The following DAO variants were observed in gnomAD, a reference collection of about 807,000 sequenced individuals.
The protein encoded by DAO is D-amino-acid oxidase.
Under a neutral mutation model 50.1 loss-of-function variants are expected in DAO, and 51 were observed. The ratio of observed to expected loss-of-function variants is 1.02; its 90% CI spans 0.81 to 1.29. The LOEUF (loss-of-function observed/expected upper bound fraction) is 1.29, where lower values mean the gene tolerates loss of function less well. DAO is among the 50% of genes most tolerant of loss of function. The probability of loss-of-function intolerance (pLI) is 0.00; values close to 1 mark genes in which losing one functional copy is unlikely to be tolerated. For synonymous variants in DAO, 160 were observed against 166.2 expected (o/e 0.96, Z 0.29); for missense variants, 436 against 439.4 (o/e 0.99, Z 0.07).
rs374995687 is a variant in DAO at position 108,889,136 on chromosome 12, C to T, written c.310-333C>T. 1.5e-4 allele frequency among the ~76,000 whole-genome samples: 23 copies of T among 150,896 alleles called. No homozygotes were observed. In the East Asian group the frequency reaches 3.1e-3, roughly 20 times the overall value. Reference sequence around the variant, plus strand: ...TTTTTTTTTTTTTGAGATGAAGTCTCGCTCTGTGGCCCAGGCTGGAGTGCA... The same window carrying T: ...TTTTTTTTTTTTTGAGATGAAGTCTTGCTCTGTGGCCCAGGCTGGAGTGCA... On this transcript the variant is annotated intron_variant, in intron 3 of 10. Coordinates refer to ENST00000228476, the MANE Select transcript of DAO (RefSeq NM_001917.5).
At position 108,900,495 on chromosome 12, in the gene DAO, A is replaced by C; in HGVS notation, c.1004A>C (p.Glu335Ala). The C allele has an allele frequency of 6.2e-7, 1 of 1,614,138 alleles. No homozygotes were observed. Among genetic ancestry groups the C allele is most frequent in the Non-Finnish European group, 8.5e-7 (1 of 1,179,996 alleles). The change falls in exon 11 of 11, where the codon GAA (glutamate) becomes GCA (alanine). Residue 335 changes from glutamate to alanine, a missense_variant. By Grantham distance (107) the Glu-to-Ala change is moderately radical. Transcript: ENST00000228476. Reference sequence around the variant, plus strand: ...GCCAAGCTCTTTGGGAGAATCCTGGAAGAAAAGAAATTGTCCAGAATGCCA... The same window carrying C: ...GCCAAGCTCTTTGGGAGAATCCTGGCAGAAAAGAAATTGTCCAGAATGCCA... ...EAAKLFGRIL[E>A]EKKLSRMPPS...
intron 3 of DAO, 61 bp from the exon 4 acceptor site, chr12:108,889,408 C>T: frequency 8.4e-7 from 1 of 1,185,176 alleles, no homozygotes. Context: ...CCTCGCCTGG[C>T]CCATTATCAT....
intron 2 of DAO, among the ~76,000 whole-genome samples, chr12:108,886,879 G>T (rs1038282468): frequency 6.6e-6 from 1 of 152,188 alleles, no homozygotes; most frequent in African/African-American, 2.4e-5. Context: ...GTGCTTTTGA[G>T]GTCACCTCAA....
rs763919956 is a variant in DAO, at chr12:108,897,012, G to A, written c.619G>A (p.Ala207Thr). ...TCCTGCCCTGAATCAACAGGTGGAC[G>A]CCCCTTGGATGAAGCACTTCATTCT... ...PGRGQIMKVDAPWMKHFILTH... is the reference protein window; with the variant it reads ...PGRGQIMKVDTPWMKHFILTH... Residue 207 changes from alanine (A) to threonine (T), a missense_variant, in exon 8 of 11, where the codon GCC becomes ACC. Coordinates refer to ENST00000228476, the MANE Select transcript of DAO (RefSeq NM_001917.5). The A allele has an allele frequency of 2.2e-5, 35 of 1,613,342 alleles. No individual in the cohort carries two copies. The highest frequency in any genetic ancestry group is 8.8e-5 in the South Asian group (8 of 91,064).
At chr12:108,882,952 G>A (rs2039396412) in intron 1 of DAO, among the ~76,000 whole-genome samples, 1 of 152,056 alleles carries the variant, frequency 6.6e-6, no homozygotes, top group East Asian at 1.9e-4. Flanking sequence ...ATTGGAGGTG[G>A]CAGTGAGCTA....
In DAO at chr12:108,899,467, A is replaced by G. The variant is rs1388863998; in HGVS notation, c.904A>G (p.Asn302Asp). Residue 302 changes from asparagine to aspartate, a missense_variant, in exon 10 of 11, where the codon AAC (asparagine) becomes GAC (aspartate). Coordinates refer to ENST00000228476, the MANE Select transcript of DAO (RefSeq NM_001917.5). The part of the protein sequence containing the change: ...EREQLRTGPS[N>D]TEVIHNYGHG... ...AGAACAGCTTCGCACTGGACCTTCA[A>G]ACACAGAGGTATGCTCCCATGGCAA... is the stretch of plus-strand genomic sequence containing the variant. The G allele has an allele frequency of 1.2e-6, 2 of 1,613,370 alleles. No homozygotes were observed. Among genetic ancestry groups the G allele is most frequent in the South Asian group, 2.2e-5 (2 of 90,916 alleles).
At chr12:108,895,517 G>A (rs547418551) in intron 7 of DAO, among the ~76,000 whole-genome samples, 36 of 128,490 alleles carry the variant, frequency 2.8e-4, no homozygotes, top group Middle Eastern at 5.1e-3. Context: ...GATGGTGTGC[G>A]TGCATGCACA....
chr12:108,898,860 T>C, intron 9 of DAO, 64 bp downstream of exon 9: 1 of 1,058,118 alleles, frequency 9.5e-7, no homozygotes. Context: ...ATGAGGACAC[T>C]TCAGGACGGG....
At position 108,897,027 on chromosome 12, in the gene DAO, C is replaced by T; in HGVS notation, c.634C>T (p.His212Tyr). The T allele has an allele frequency of 6.2e-7, 1 of 1,613,940 alleles. No homozygotes were observed. Among genetic ancestry groups the T allele is most frequent in the African/African-American group, 1.3e-5 (1 of 75,026 alleles). ...IMKVDAPWMKHFILTHDPERG... is the reference protein window; with the variant it reads ...IMKVDAPWMKYFILTHDPERG... Reference sequence around the variant, plus strand: ...ACAGGTGGACGCCCCTTGGATGAAGCACTTCATTCTCACCCATGACCCAGA... The same window carrying T: ...ACAGGTGGACGCCCCTTGGATGAAGTACTTCATTCTCACCCATGACCCAGA... The change falls in exon 8 of 11, where the codon CAC (histidine) becomes TAC (tyrosine). Residue 212 changes from histidine to tyrosine, a missense_variant. Transcript: ENST00000228476.
At chr12:108,884,897 G>T in intron 1 of DAO, 101 bp from the exon 2 acceptor site, 1 of 1,079,118 alleles carries the variant, frequency 9.3e-7, no homozygotes. Flanking sequence ...GGGCTTGGTG[G>T]TGTCTGGCAC....
At chr12:108,897,933 C>T (rs1048053431) in intron 8 of DAO, among the ~76,000 whole-genome samples, 5 of 146,560 alleles carry the variant, frequency 3.4e-5, no homozygotes, top group East Asian at 2.1e-4. Context: ...GGCCACAGAG[C>T]GAGACCCCAT....
intron 4 of DAO, 136 bp downstream of exon 4, chr12:108,889,681 C>T: frequency 1.4e-6 from 1 of 712,020 alleles, no homozygotes. Context: ...GGTCCTTGGT[C>T]CAGCTCCTTC....
chr12:108,893,134 G>T, intron 6 of DAO, 98 bp downstream of exon 6: 1 of 1,053,904 alleles, frequency 9.5e-7, no homozygotes, highest in Non-Finnish European at 1.4e-6. Flanking sequence ...AGGCTCCTAG[G>T]GTCCCCACAG....
intron 2 of DAO, among the ~76,000 whole-genome samples, chr12:108,886,968 C>T (rs1048452597): frequency 1.3e-5 from 2 of 152,154 alleles, no homozygotes; most frequent in African/African-American, 4.8e-5. Context: ...GTCCCTTGGC[C>T]AGAAACAAGT....
At position 108,892,144 on chromosome 12, in the gene DAO, ATTTCTTTCTTTCTTCTTTTTTTT is replaced by A. The variant is rs1175892716; in HGVS notation, c.453-834_453-812del. 3.8e-5 allele frequency among the ~76,000 whole-genome samples: 5 copies of A among 131,778 alleles called. No individual in the cohort carries two copies. The East Asian group carries it at 1.1e-3, about 29-fold the overall frequency. The allele number at this position is 131,778 out of a possible 152,430, so 86.5% of individuals were successfully genotyped here. ...CCTGTTCTTTGGATGTTTCTAGTGT[ATTTCTTTCTTTCTTCTTTTTTTT>A]TTTTTTTTTTTTTGAGACAGAGTCT... On this transcript the variant is annotated intron_variant, in intron 5 of 10. Coordinates refer to ENST00000228476, the MANE Select transcript of DAO (RefSeq NM_001917.5).
chr12:108,885,125 C>T lies in DAO; in HGVS notation c.119C>T (p.Thr40Ile). The change falls in exon 2 of 11, where the codon ACC (threonine) becomes ATC (isoleucine). Residue 40 changes from threonine (T) to isoleucine (I), a missense_variant. Transcript: ENST00000228476. The part of the protein sequence containing the change: ...LDIKVYADRF[T>I]PLTTTDVAAG... The stretch of plus-strand genomic sequence containing the variant: ...ATAAAGGTCTACGCGGACCGCTTCA[C>T]CCCACTCACCACCACCGACGTGGCT... 6.2e-7 allele frequency: 1 copy of T among 1,613,352 alleles called. No individual in the cohort carries two copies. The highest frequency in any genetic ancestry group is 8.5e-7 in the Non-Finnish European group (1 of 1,179,364).
At chr12:108,880,671 G>A (rs989142826) in intron 1 of DAO, among the ~76,000 whole-genome samples, 5 of 148,444 alleles carry the variant, frequency 3.4e-5, no homozygotes, top group Non-Finnish European at 7.4e-5. Context: ...CAACCAGGGA[G>A]AACTAATTAT....
intron 9 of DAO, 49 bp downstream of exon 9, chr12:108,898,845 T>C (rs773310827): frequency 3.9e-6 from 5 of 1,284,362 alleles, no homozygotes. Context: ...CGTGGGAGCT[T>C]GGTAATGAGG....
At chr12:108,890,988 A>AT (rs1277607670) in intron 5 of DAO, among the ~76,000 whole-genome samples, 3 of 151,940 alleles carry the variant, frequency 2.0e-5, no homozygotes, top group Non-Finnish European at 4.4e-5. Flanking sequence ...CACCTGGCTA[A>AT]TTTTTTGTAT....
Sources: gnomAD v4.1 joint callset for allele counts (sites outside exome capture counted in the v4.1 genomes callset) on GRCh38, gnomAD v4.1.1 for gene constraint, MANE v1.5 for transcripts, NCBI Gene and HGNC (gene_info 2026-07-23, HGNC 2026-07-21) for gene names.